NOTCH4: variants seen among roughly 807,000 people sequenced by gnomAD.
The protein encoded by NOTCH4 is notch receptor 4.
In NOTCH4, 138 loss-of-function variants were observed where a neutral mutation model predicts 189.0. That is an observed-to-expected ratio of 0.73 (90% CI 0.64 to 0.84). The LOEUF (loss-of-function observed/expected upper bound fraction) is 0.84. Among genes scored for constraint, NOTCH4 ranks in the 40% least tolerant of loss-of-function variants. The probability of loss-of-function intolerance (pLI) is 0.00; values close to 1 mark genes in which losing one functional copy is unlikely to be tolerated. For synonymous variants in NOTCH4, 942 were observed against 1,032.8 expected, an observed-to-expected ratio of 0.91 and a Z score of 1.69; for missense variants, 2,286 against 2,605.4, an observed-to-expected ratio of 0.88 and a Z score of 2.67.
At position 32,212,057 on chromosome 6, in the gene NOTCH4, T is replaced by C. The variant is rs563467057; in HGVS notation, c.2680+417A>G. On this transcript the variant is annotated intron_variant, in intron 17 of 29. Transcript: ENST00000375023. This position sits in a 1 kb window ranked among gnomAD's most constrained non-coding sequence, Gnocchi z 4.4. Reference sequence around the variant, plus strand: ...CGAGCTCTTCTCATATCAAACCTTATTTTAGTGTTCTTTTACAAAGAGGGT... The same window carrying C: ...CGAGCTCTTCTCATATCAAACCTTACTTTAGTGTTCTTTTACAAAGAGGGT... Among the ~76,000 whole-genome samples, 1 of 152,294 alleles carries C rather than the reference T, an allele frequency of 6.6e-6. No homozygotes were observed. The highest frequency in any genetic ancestry group is 2.1e-4 in the South Asian group (1 of 4,824).
In NOTCH4 at chr6:32,198,646, C is replaced by G; in HGVS notation, c.4617+3G>C. 1 of 1,611,698 alleles carries G rather than the reference C, an allele frequency of 6.2e-7. No individual in the cohort carries two copies. Among genetic ancestry groups the G allele is most frequent in the South Asian group, 1.1e-5 (1 of 90,876 alleles). ...CAGACCATTCTTGCCCCAGCCCTTT[C>G]ACCTGGCCCACCTCCTCTCCCTCCT... On this transcript the variant is annotated splice_donor_region_variant and intron_variant, in intron 25 of 29. Transcript: ENST00000375023. The surrounding 1 kb of genome is among the most constrained non-coding windows in gnomAD (Gnocchi z 5.5).
In NOTCH4 at chr6:32,199,848, T is replaced by G. The variant is rs1339783478; in HGVS notation, c.4316-703A>C. On this transcript the variant is annotated intron_variant, in intron 23 of 29. Transcript: ENST00000375023. This position sits in a 1 kb window ranked among gnomAD's most constrained non-coding sequence, Gnocchi z 4.9. ...GTGAGCTGAGATGGCGTCACTGTAC[T>G]CCAGTGTGGCTGACAGAGTAAGACT... is the stretch of plus-strand genomic sequence containing the variant. Among the ~76,000 whole-genome samples the G allele has an allele frequency of 6.6e-6, 1 of 152,142 alleles. No homozygotes were observed. Among genetic ancestry groups the G allele is most frequent in the African/African-American group, 2.4e-5 (1 of 41,426 alleles).
At position 32,199,357 on chromosome 6, in the gene NOTCH4, A is replaced by G. The variant is rs1788191120; in HGVS notation, c.4316-212T>C. On this transcript the variant is annotated intron_variant, in intron 23 of 29. Transcript: ENST00000375023. This position sits in a 1 kb window ranked among gnomAD's most constrained non-coding sequence, Gnocchi z 4.9. ...TGAGGCAGGTGGATCATATGAGGCCAGGAGTTCGAGACCAGCCTGGCCAAC... is the reference window on the plus strand; with the variant it reads ...TGAGGCAGGTGGATCATATGAGGCCGGGAGTTCGAGACCAGCCTGGCCAAC... 6.6e-6 allele frequency among the ~76,000 whole-genome samples: 1 copy of G among 152,230 alleles called. No homozygotes were observed. Among genetic ancestry groups the G allele is most frequent in the African/African-American group, 2.4e-5 (1 of 41,452 alleles).
At chr6:32,196,797 C>T (rs1211102262) in intron 28 of NOTCH4, 128 bp downstream of exon 28, 2 of 1,259,836 alleles carry the variant, frequency 1.6e-6, no homozygotes. Flanking sequence ...TCCACCGCAT[C>T]TCAGATTGAC....
rs968629308 is a variant in NOTCH4, at chr6:32,214,405, T to A, written c.2022-150A>T. The A allele has an allele frequency of 9.7e-6, 7 of 719,964 alleles. No individual in the cohort carries two copies. The Admixed American group carries it at 1.2e-4, about 12-fold the overall frequency. 44.6% of individuals were successfully genotyped at this position (719,964 alleles called of 1,614,324 possible). Reference sequence around the variant, plus strand: ...GACTTTGCTCTCAGCACCGCCCCCATCCTCCCCAACACCTGCTCATTTTCT... The same window carrying A: ...GACTTTGCTCTCAGCACCGCCCCCAACCTCCCCAACACCTGCTCATTTTCT... On this transcript the variant is annotated intron_variant, in intron 12 of 29. Transcript: ENST00000375023.
chr6:32,195,137 T>C lies in NOTCH4; in HGVS notation c.*300A>G. On this transcript the variant is annotated 3_prime_UTR_variant, in exon 30 of 30. Transcript: ENST00000375023. The surrounding 1 kb of genome is among the most constrained non-coding windows in gnomAD (Gnocchi z 5.4). ...AGGAAAGAACATCTTACATCCCATA[T>C]GCCTGCAATTCTTGGTTCCAACTTA... The C allele has an allele frequency of 2.3e-6, 1 of 440,432 alleles. No homozygotes were observed. The highest frequency in any genetic ancestry group is 4.3e-5 in the South Asian group (1 of 23,202). The allele number at this position is 440,432 out of a possible 1,614,324, so 27.3% of individuals were successfully genotyped here.
chr6:32,202,022 T>G lies in NOTCH4; in HGVS notation c.3755+54A>C. The G allele has an allele frequency of 7.1e-7, 1 of 1,413,070 alleles. No individual in the cohort carries two copies. The highest frequency in any genetic ancestry group is 1.9e-5 in the South Asian group (1 of 52,770). 87.5% of individuals were successfully genotyped at this position (1,413,070 alleles called of 1,614,324 possible). On this transcript the variant is annotated intron_variant, in intron 21 of 29. Transcript: ENST00000375023. This position sits in a 1 kb window ranked among gnomAD's most constrained non-coding sequence, Gnocchi z 5.7. ...AACTCAGAGCCATCTACGTCCTTCC[T>G]CCTCCTCTCACCCACCCCTCTCCTT...
chr6:32,196,572 A>C, intron 28 of NOTCH4, 151 bp from the exon 29 acceptor site: 1 of 1,009,806 alleles, frequency 9.9e-7, no homozygotes, highest in South Asian at 1.6e-5. Context: ...ACCGGCCTGC[A>C]GGAAGTGTTG....
intron 6 of NOTCH4, 34 bp from the exon 7 acceptor site, chr6:32,220,318 G>A: frequency 1.2e-6 from 2 of 1,609,278 alleles, no homozygotes; most frequent in South Asian, 1.1e-5. Flanking sequence ...GCTCTCAAAG[G>A]CCACTTGAAG....
intron 13 of NOTCH4, 98 bp from the exon 14 acceptor site, chr6:32,213,938 A>G (rs1789201927): frequency 1.3e-6 from 2 of 1,495,304 alleles, no homozygotes; most frequent in Non-Finnish European, 1.8e-6. Flanking sequence ...CCCCAACCCT[A>G]TTATTCTTTC....
intron 18 of NOTCH4, among the ~76,000 whole-genome samples, chr6:32,206,522 T>C (rs1449759348): frequency 6.6e-6 from 1 of 152,046 alleles, no homozygotes; most frequent in Admixed American, 6.6e-5. Context: ...ATGACAGCTA[T>C]AAAACATTGA....
Position 32,218,077 on chromosome 6 carries a change from G to A in NOTCH4, c.1542C>T (p.Thr514=). The A allele has an allele frequency of 6.2e-7, 1 of 1,613,532 alleles. No homozygotes were observed. Among genetic ancestry groups the A allele is most frequent in the Non-Finnish European group, 8.5e-7 (1 of 1,179,630 alleles). Residue 514 remains threonine, a synonymous_variant, in exon 9 of 30, where the codon ACC becomes ACT. Transcript: ENST00000375023. ...GLEGQLCEVE[T]NECASAPCLN... ...GGCAGGGAGCTGAGGCACACTCGTTGGTCTCCACCTCACAGAGCTGCCCTT... is the reference window on the plus strand; with the variant it reads ...GGCAGGGAGCTGAGGCACACTCGTTAGTCTCCACCTCACAGAGCTGCCCTT...
Position 32,200,905 on chromosome 6 carries a change from G to A in NOTCH4, c.4241C>T (p.Ala1414Val), listed in dbSNP as rs935064991. The change falls in exon 23 of 30, where the codon GCG becomes GTG. Residue 1414 changes from alanine (A) to valine (V), a missense_variant. Transcript: ENST00000375023. This position sits in a 1 kb window ranked among gnomAD's most constrained non-coding sequence, Gnocchi z 5.0. ...DPGLLLRFLA[A>V]MAAVGALEPL... is the part of the protein sequence containing the mutation. ...CTCCAGGGCTCCCACTGCAGCCATCGCAGCAAGGAAGCGGAGTAGAAGCCC... is the reference window on the plus strand; with the variant it reads ...CTCCAGGGCTCCCACTGCAGCCATCACAGCAAGGAAGCGGAGTAGAAGCCC... 3.1e-6 allele frequency: 5 copies of A among 1,609,026 alleles called. No homozygotes were observed. Among genetic ancestry groups the A allele is most frequent in the South Asian group, 1.1e-5 (1 of 90,504 alleles).
At position 32,222,707 on chromosome 6, in the gene NOTCH4, G is replaced by A. The variant is rs8192569; in HGVS notation, c.255C>T (p.Pro85=). Residue 85 remains proline (P), a synonymous_variant, in exon 3 of 30, where the codon CCC becomes CCT. Transcript: ENST00000375023. ...QNGGSCQALL[P]APLGLPSSPS... Reference sequence around the variant, plus strand: ...GAGAGCTGGGGAGCCCTAGGGGAGCGGGAAGCAGGGCTTGGCAGCTGCCTC... The same window carrying A: ...GAGAGCTGGGGAGCCCTAGGGGAGCAGGAAGCAGGGCTTGGCAGCTGCCTC... 175,431 of 1,607,786 alleles carry A rather than the reference G, an allele frequency of 0.11. 12,722 individuals are homozygous for A. The highest frequency in any genetic ancestry group is 0.3 in the African/African-American group (22,169 of 74,392).
chr6:32,203,491 C>G (rs1434676541), intron 20 of NOTCH4: 2 of 473,338 alleles, frequency 4.2e-6, no homozygotes, highest in Non-Finnish European at 7.4e-6. Flanking sequence ...TTAAAATAAC[C>G]TATCTGAGGC....
At position 32,217,889 on chromosome 6, in the gene NOTCH4, C is replaced by A; in HGVS notation, c.1624+106G>T. Reference sequence around the variant, plus strand: ...AAGACAGATTTGGAGGACTCCTTGGCTTGGCTAGAGAGAGCTTCAAGTGGC... The same window carrying A: ...AAGACAGATTTGGAGGACTCCTTGGATTGGCTAGAGAGAGCTTCAAGTGGC... On this transcript the variant is annotated intron_variant, in intron 9 of 29. Transcript: ENST00000375023. This position sits in a 1 kb window ranked among gnomAD's most constrained non-coding sequence, Gnocchi z 4.2. The A allele has an allele frequency of 1.4e-6, 1 of 719,160 alleles. No individual in the cohort carries two copies. The highest frequency in any genetic ancestry group is 2.5e-6 in the Non-Finnish European group (1 of 405,410). 44.5% of individuals were successfully genotyped at this position (719,160 alleles called of 1,614,324 possible). A position where few individuals can be genotyped will look rare whatever the true frequency, so the allele number is the denominator to read the frequency against.
At chr6:32,215,440 G>C in intron 11 of NOTCH4, 55 bp from the exon 12 acceptor site, 1 of 1,513,232 alleles carries the variant, frequency 6.6e-7, no homozygotes, top group Non-Finnish European at 8.9e-7. Flanking sequence ...CCTTCATTGG[G>C]CCAAAGCCAC....
At position 32,220,835 on chromosome 6, in the gene NOTCH4, GAC is replaced by G; in HGVS notation, c.841_842del (p.Val281GlnfsTer36). 1 of 1,614,088 alleles carries G rather than the reference GAC, an allele frequency of 6.2e-7. No individual in the cohort carries two copies. The highest frequency in any genetic ancestry group is 8.5e-7 in the Non-Finnish European group (1 of 1,179,970). ...PDCEVNPDNC[V>X]SHQCQNGGTC... ...TGCCCCCATTCTGACACTGGTGGCT[GAC>G]ACAGTTGTCTGGATTCACCTCACAG... is the stretch of plus-strand genomic sequence containing the variant. On this transcript the variant is annotated frameshift_variant, in exon 5 of 30. Coordinates refer to ENST00000375023, the MANE Select transcript of NOTCH4 (RefSeq NM_004557.4). LOFTEE classifies it high-confidence loss of function.
At chr6:32,220,334 A>G (rs769948373) in intron 6 of NOTCH4, 50 bp from the exon 7 acceptor site, 1 of 1,610,400 alleles carries the variant, frequency 6.2e-7, no homozygotes, top group South Asian at 1.1e-5. Context: ...TGAAGCTCCT[A>G]GCAGTCCTCC....
Sources: gnomAD v4.1 joint callset for allele counts (sites outside exome capture counted in the v4.1 genomes callset) on GRCh38, gnomAD v4.1.1 for gene constraint, Gnocchi (gnomAD v3.1) non-coding constraint, MANE v1.5 for transcripts, NCBI Gene and HGNC (gene_info 2026-07-23, HGNC 2026-07-21) for gene names.